FALEC: variants seen among roughly 807,000 people sequenced by gnomAD.
FALEC encodes focally amplified lncRNA regulator of ECM1.
the FALEC span, among the ~76,000 whole-genome samples, chr1:150,535,329 C>G: frequency 6.6e-6 from 1 of 152,108 alleles, no homozygotes; most frequent in African/African-American, 2.4e-5. Flanking sequence ...CTGCAACCTC[C>G]GCCTCCCAGG....
chr1:150,519,840 G>A (rs190891701), downstream of FALEC, among the ~76,000 whole-genome samples: 15 of 150,062 alleles, frequency 1.0e-4, no homozygotes, highest in East Asian at 2.0e-4. Flanking sequence ...CAACAAGAGC[G>A]AAACTCTGTC....
the FALEC span, among the ~76,000 whole-genome samples, chr1:150,525,575 G>T: frequency 6.6e-6 from 1 of 152,146 alleles, no homozygotes; most frequent in South Asian, 2.1e-4. Context: ...ACTTAAATCT[G>T]TTGGTTTTGG....
At chr1:150,521,299 G>A (rs140017603), downstream of FALEC, among the ~76,000 whole-genome samples, 385 of 152,308 alleles carry the variant, frequency 2.5e-3, 2 homozygotes, top group Non-Finnish European at 3.9e-3. Context: ...ACTAGAGAAT[G>A]CCAAAGTGGT....
chr1:150,520,871 G>A (rs778609021), downstream of FALEC, among the ~76,000 whole-genome samples: 164 of 137,432 alleles, frequency 1.2e-3, no homozygotes, highest in Non-Finnish European at 1.4e-3. Flanking sequence ...TTGGCTCAGC[G>A]CGATCTCAGC....
the FALEC span, among the ~76,000 whole-genome samples, chr1:150,527,676 C>T: frequency 6.6e-6 from 1 of 151,998 alleles, no homozygotes; most frequent in Non-Finnish European, 1.5e-5. Flanking sequence ...ATGGCGAAAC[C>T]CCACCTCTAC....
the FALEC span, among the ~76,000 whole-genome samples, chr1:150,531,195 T>C: frequency 6.6e-6 from 1 of 152,206 alleles, no homozygotes; most frequent in Admixed American, 6.5e-5. Flanking sequence ...CCAGACCATA[T>C]ATTAAAATAC....
chr1:150,518,831 C>T (rs587718541), downstream of FALEC, among the ~76,000 whole-genome samples: 6 of 151,940 alleles, frequency 3.9e-5, no homozygotes, highest in Admixed American at 6.5e-5. Context: ...CCGAGTTGGG[C>T]GGATCACCTG....
downstream of FALEC, among the ~76,000 whole-genome samples, chr1:150,518,494 C>T (rs1178090209): frequency 6.6e-6 from 1 of 151,680 alleles, no homozygotes; most frequent in Non-Finnish European, 1.5e-5. Flanking sequence ...AAGTGATTCT[C>T]CTGCCTCAGT....
chr1:150,528,548 G>C, the FALEC span, among the ~76,000 whole-genome samples: 1 of 151,662 alleles, frequency 6.6e-6, no homozygotes, highest in Non-Finnish European at 1.5e-5. Context: ...GTCCCTGAGT[G>C]GTCCTCATCA....
chr1:150,533,430 C>CTTT, the FALEC span, among the ~76,000 whole-genome samples: 499 of 97,648 alleles, frequency 5.1e-3, 12 homozygotes, highest in East Asian at 0.014. Flanking sequence ...AGAACCAGAG[C>CTTT]TTTTTTTTTT....
At chr1:150,532,365 C>A in the FALEC span, among the ~76,000 whole-genome samples, 19 of 152,194 alleles carry the variant, frequency 1.2e-4, no homozygotes, top group African/African-American at 4.3e-4. Context: ...ACACTGGAAA[C>A]ACTGATCAGA....
chr1:150,522,949 G>A (rs71515777), downstream of FALEC, among the ~76,000 whole-genome samples: 354 of 21,604 alleles, frequency 0.016, 18 homozygotes, highest in African/African-American at 0.036. Context: ...GTGTGTGTGT[G>A]TATATATATA....
the FALEC span, among the ~76,000 whole-genome samples, chr1:150,527,878 A>C: frequency 6.6e-6 from 1 of 152,134 alleles, no homozygotes; most frequent in Non-Finnish European, 1.5e-5. Context: ...TAAATAAATA[A>C]ATAAAAGTTT....
chr1:150,534,636 A>G, the FALEC span, among the ~76,000 whole-genome samples: 9 of 151,908 alleles, frequency 5.9e-5, no homozygotes, highest in Middle Eastern at 3.2e-3. Context: ...GAGGTCAGGA[A>G]ATCGAGACCA....
the FALEC span, among the ~76,000 whole-genome samples, chr1:150,529,197 G>A: frequency 4.6e-5 from 7 of 152,180 alleles, no homozygotes; most frequent in African/African-American, 9.7e-5. Flanking sequence ...GGAACGGGGT[G>A]TGAGTGTTTA....
the FALEC span, among the ~76,000 whole-genome samples, chr1:150,529,400 G>C: frequency 6.6e-6 from 1 of 152,240 alleles, no homozygotes; most frequent in African/African-American, 2.4e-5. Context: ...GCTGCCTTTT[G>C]TTCCTTTCTC....
At chr1:150,518,593 G>T (rs115114035), downstream of FALEC, among the ~76,000 whole-genome samples, 16 of 151,390 alleles carry the variant, frequency 1.1e-4, no homozygotes, top group African/African-American at 3.6e-4. Context: ...TCTCCATGTC[G>T]TTCAGGCTAG....
chr1:150,522,051 C>T (rs1192703967), downstream of FALEC, among the ~76,000 whole-genome samples: 2 of 151,994 alleles, frequency 1.3e-5, no homozygotes, highest in Non-Finnish European at 2.9e-5. Context: ...TCGAGATCAG[C>T]CTGGCCAACA....
At chr1:150,521,961 C>T (rs1215592646), downstream of FALEC, among the ~76,000 whole-genome samples, 1 of 152,106 alleles carries the variant, frequency 6.6e-6, no homozygotes, top group African/African-American at 2.4e-5. Flanking sequence ...AATGGAAAAG[C>T]CACCCAGGTG....
Sources: gnomAD v4.1 joint callset for allele counts (sites outside exome capture counted in the v4.1 genomes callset) on GRCh38, gnomAD v4.1.1 for gene constraint, MANE v1.5 for transcripts, NCBI Gene and HGNC (gene_info 2026-07-23, HGNC 2026-07-21) for gene names.